TULP4: variants seen among roughly 807,000 people sequenced by gnomAD.
TULP4 encodes TUB like protein 4.
Under a neutral mutation model 129.0 loss-of-function variants are expected in TULP4, and 16 were observed. The ratio of observed to expected loss-of-function variants is 0.12; its 90% CI spans 0.08 to 0.19. The LOEUF (loss-of-function observed/expected upper bound fraction) is 0.19. TULP4 is among the 10% of genes least tolerant of loss of function. TULP4 has a pLI of 1.00. For missense variants in TULP4, 1,842 were observed against 2,059.1 expected, an observed-to-expected ratio of 0.89 and a Z score of 2.04; for synonymous variants, 998 against 854.0, an observed-to-expected ratio of 1.17 and a Z score of -2.94.
intron 1 of TULP4, among the ~76,000 whole-genome samples, chr6:158,348,826 C>T (rs1780385965): frequency 6.7e-6 from 1 of 150,068 alleles, no homozygotes; most frequent in Non-Finnish European, 1.5e-5. Context: ...CCTCACCTCC[C>T]AGACAAAGGG....
chr6:158,421,101 C>T (rs1479607320), intron 2 of TULP4, among the ~76,000 whole-genome samples: 1 of 152,118 alleles, frequency 6.6e-6, no homozygotes, highest in Non-Finnish European at 1.5e-5. Flanking sequence ...GTGGCTCACG[C>T]CTGTAATCCC....
chr6:158,355,225 C>T (rs1480792622), intron 1 of TULP4, among the ~76,000 whole-genome samples: 1 of 151,990 alleles, frequency 6.6e-6, no homozygotes, highest in Non-Finnish European at 1.5e-5. Flanking sequence ...GAATGTGTCC[C>T]AGCTACTGTC....
chr6:158,252,452 T>G (rs1562495092), intron 1 of TULP4, among the ~76,000 whole-genome samples: 1 of 152,156 alleles, frequency 6.6e-6, no homozygotes. Context: ...CTCAGCTCAC[T>G]GCAGCCTTCG....
intron 1 of TULP4, among the ~76,000 whole-genome samples, chr6:158,249,739 CT>C (rs1229570316): frequency 6.6e-6 from 1 of 152,224 alleles, no homozygotes; most frequent in African/African-American, 2.4e-5. Context: ...TTACATTAAC[CT>C]TTAATTTTAA....
intron 1 of TULP4, among the ~76,000 whole-genome samples, chr6:158,356,513 A>G (rs1026819346): frequency 6.6e-6 from 1 of 152,198 alleles, no homozygotes; most frequent in Non-Finnish European, 1.5e-5. Context: ...ATGAGAGCCC[A>G]GAGAGGGTAG....
intron 1 of TULP4, among the ~76,000 whole-genome samples, chr6:158,409,422 G>A (rs1304811385): frequency 6.6e-6 from 1 of 152,194 alleles, no homozygotes; most frequent in African/African-American, 2.4e-5. Flanking sequence ...CAAGACAGAA[G>A]TTCTTTGGTG....
chr6:158,318,619 A>G (rs1221103372), intron 1 of TULP4, among the ~76,000 whole-genome samples: 1 of 152,228 alleles, frequency 6.6e-6, no homozygotes, highest in Non-Finnish European at 1.5e-5. Context: ...CTAGGGGTCT[A>G]ACATTTTCCT....
intron 5 of TULP4, among the ~76,000 whole-genome samples, chr6:158,454,873 T>C (rs1271210109): frequency 6.6e-6 from 1 of 151,908 alleles, no homozygotes; most frequent in Non-Finnish European, 1.5e-5. Flanking sequence ...CCCGAAGTGC[T>C]GGGATTACAG....
intron 1 of TULP4, among the ~76,000 whole-genome samples, chr6:158,268,524 G>A (rs1224214508): frequency 6.6e-6 from 1 of 152,210 alleles, no homozygotes; most frequent in Non-Finnish European, 1.5e-5. Context: ...TGGGAGCTGA[G>A]AAGTCCAAGA....
Position 158,375,775 on chromosome 6 carries a change from A to G in TULP4, c.253-37290A>G, listed in dbSNP as rs879712. 1.6e-3 allele frequency among the ~76,000 whole-genome samples: 250 copies of G among 152,344 alleles called. 2 individuals are homozygous for G. In the East Asian group the frequency reaches 0.018, roughly 11 times the overall value. On this transcript the variant is annotated intron_variant, in intron 1 of 13. Transcript: ENST00000367097. Reference sequence around the variant, plus strand: ...GATGGTGTTTGGAGTAAACTAATATATATAATACAGAAATATGTAGGGATC... The same window carrying G: ...GATGGTGTTTGGAGTAAACTAATATGTATAATACAGAAATATGTAGGGATC...
chr6:158,499,638 G>A (rs1040200725), intron 12 of TULP4, among the ~76,000 whole-genome samples: 2 of 152,168 alleles, frequency 1.3e-5, no homozygotes, highest in Admixed American at 1.3e-4. Context: ...TTCCAACTAA[G>A]TGGGCTCTGG....
Position 158,316,051 on chromosome 6 carries a change from A to C in TULP4, c.252+1783A>C, listed in dbSNP as rs556847562. ...CTTAATGGAAATGGAATCCTTCATT[A>C]CATACTCTCTGTGTCTGGCTTCTTT... On this transcript the variant is annotated intron_variant, in intron 1 of 13. Transcript: ENST00000367097. Among the ~76,000 whole-genome samples the C allele has an allele frequency of 3.3e-4, 50 of 152,348 alleles. 2 individuals are homozygous for C. The South Asian group carries it at 5.2e-3, about 16-fold the overall frequency.
chr6:158,296,386 C>T (rs779242169), intron 1 of TULP4, among the ~76,000 whole-genome samples: 23 of 151,130 alleles, frequency 1.5e-4, no homozygotes, highest in East Asian at 3.9e-4. Flanking sequence ...ACAGCTGGGC[C>T]GCCGGAGGTG....
chr6:158,478,718 G>A (rs922751883), intron 6 of TULP4, among the ~76,000 whole-genome samples: 2 of 152,142 alleles, frequency 1.3e-5, no homozygotes, highest in Admixed American at 6.5e-5. Flanking sequence ...GTCTGGATCG[G>A]AATGAACAAA....
At chr6:158,496,836 C>A (rs1297791711) in intron 11 of TULP4, among the ~76,000 whole-genome samples, 5 of 152,188 alleles carry the variant, frequency 3.3e-5, no homozygotes, top group Non-Finnish European at 5.9e-5. Context: ...GCCTTTGAGA[C>A]AAATGCTGGC....
intron 1 of TULP4, among the ~76,000 whole-genome samples, chr6:158,368,240 TA>T (rs921841758): frequency 1.4e-4 from 22 of 152,300 alleles, no homozygotes; most frequent in Non-Finnish European, 2.6e-4. Context: ...AATTTTTGCA[TA>T]AAAAATTATC....
chr6:158,258,255 CTCTT>C (rs1174398286), intron 1 of TULP4, among the ~76,000 whole-genome samples: 1 of 152,178 alleles, frequency 6.6e-6, no homozygotes, highest in Non-Finnish European at 1.5e-5. Flanking sequence ...CAGGAGGACA[CTCTT>C]TCTTTCTCTC....
chr6:158,333,320 C>T (rs191712898), intron 1 of TULP4, among the ~76,000 whole-genome samples: 161 of 152,266 alleles, frequency 1.1e-3, no homozygotes, highest in Admixed American at 2.4e-3. Flanking sequence ...GAAGACACAT[C>T]GGAGAGCTTG....
At chr6:158,329,301 C>T (rs1779820982) in intron 1 of TULP4, among the ~76,000 whole-genome samples, 1 of 151,860 alleles carries the variant, frequency 6.6e-6, no homozygotes, top group Non-Finnish European at 1.5e-5. Flanking sequence ...TTTCTTTATC[C>T]TCCTAGTCAA....
Sources: allele counts gnomAD v4.1 joint callset (sites outside exome capture counted in the v4.1 genomes callset), GRCh38; gene constraint gnomAD v4.1.1; transcripts MANE v1.5; gene names NCBI Gene and HGNC (gene_info 2026-07-23, HGNC 2026-07-21).